The following TMC7 variants were observed in gnomAD, a reference collection of about 807,000 sequenced individuals.
TMC7 encodes transmembrane channel like 7, also known as transmembrane channel-like protein 7.
TMC7 carries 54 observed loss-of-function variants against 82.9 expected under a neutral mutation model. The ratio of observed to expected loss-of-function variants is 0.65; its 90% confidence interval spans 0.52 to 0.82. TMC7 has a LOEUF of 0.82. TMC7 is among the 40% of genes least tolerant of loss of function. The pLI, the probability that TMC7 is intolerant of heterozygous loss-of-function variation, is 0.00. For missense variants in TMC7, 820 were observed against 901.2 expected (o/e 0.91, Z 1.15); for synonymous variants, 350 against 337.9 (o/e 1.04, Z -0.39).
chr16:19,015,099 G>A (rs1959614503), intron 2 of TMC7, among the ~76,000 whole-genome samples: 1 of 151,754 alleles, frequency 6.6e-6, no homozygotes, highest in Non-Finnish European at 1.5e-5. Context: ...TAGTAGCTGG[G>A]ATTACAGGTG....
At chr16:18,992,005 A>T (rs1219020993) in intron 1 of TMC7, among the ~76,000 whole-genome samples, 1 of 152,176 alleles carries the variant, frequency 6.6e-6, no homozygotes, top group African/African-American at 2.4e-5. Flanking sequence ...ATTGATAGAC[A>T]TTTGGGTTGG....
At chr16:19,061,178 T>C (rs1961993406) in intron 15 of TMC7, among the ~76,000 whole-genome samples, 1 of 152,166 alleles carries the variant, frequency 6.6e-6, no homozygotes, top group East Asian at 1.9e-4. Flanking sequence ...TAATTTTTTG[T>C]ATTTTTAGTA....
chr16:19,041,470 A>G (rs941282657), intron 9 of TMC7, among the ~76,000 whole-genome samples: 1 of 151,448 alleles, frequency 6.6e-6, no homozygotes, highest in Non-Finnish European at 1.5e-5. Flanking sequence ...GGTTCAAGCG[A>G]TTCTCCTGCC....
At chr16:19,043,328 T>C (rs1961108059) in intron 9 of TMC7, among the ~76,000 whole-genome samples, 1 of 152,194 alleles carries the variant, frequency 6.6e-6, no homozygotes, top group South Asian at 2.1e-4. Flanking sequence ...GACTGTGTCA[T>C]GTCTTGTAGT....
intron 1 of TMC7, among the ~76,000 whole-genome samples, chr16:18,995,362 G>A (rs1312298953): frequency 6.6e-6 from 1 of 152,184 alleles, no homozygotes; most frequent in Non-Finnish European, 1.5e-5. Flanking sequence ...GGTCCGGGAG[G>A]CTTCTGAGGT....
At chr16:19,011,020 G>C (rs7190740) in intron 2 of TMC7, among the ~76,000 whole-genome samples, 45,873 of 151,940 alleles carry the variant, frequency 0.3, 7,161 homozygotes, top group Non-Finnish European at 0.33. Flanking sequence ...TATTCCTCCC[G>C]CTAATGAGAA....
At chr16:19,052,018 A>C (rs1002707388) in intron 13 of TMC7, among the ~76,000 whole-genome samples, 8 of 151,442 alleles carry the variant, frequency 5.3e-5, no homozygotes, top group African/African-American at 1.9e-4. Context: ...AGTAGCTGGG[A>C]CTACAAACTC....
At chr16:19,008,605 C>T (rs192634433) in intron 1 of TMC7, among the ~76,000 whole-genome samples, 1 of 152,320 alleles carries the variant, frequency 6.6e-6, no homozygotes, top group East Asian at 1.9e-4. Flanking sequence ...CCCAGCATCA[C>T]TTCTGCTGTG....
chr16:18,986,905 T>C (rs1250135982), intron 1 of TMC7, among the ~76,000 whole-genome samples: 1 of 150,970 alleles, frequency 6.6e-6, no homozygotes, highest in Non-Finnish European at 1.5e-5. Flanking sequence ...CCCGGGTTCA[T>C]GCCATTCTCC....
At chr16:19,058,402 A>T (rs201146711) in intron 14 of TMC7, among the ~76,000 whole-genome samples, 1 of 136,278 alleles carries the variant, frequency 7.3e-6, no homozygotes, top group Non-Finnish European at 1.6e-5. Context: ...AATAAATAAA[A>T]TAAATAAAAT....
intron 15 of TMC7, among the ~76,000 whole-genome samples, chr16:19,061,319 T>C (rs1489690054): frequency 6.6e-6 from 1 of 151,856 alleles, no homozygotes; most frequent in African/African-American, 2.4e-5. Context: ...GGCCTAATTT[T>C]TGTATTTTTA....
chr16:19,022,353 T>C (rs1179970071), intron 4 of TMC7, among the ~76,000 whole-genome samples: 1 of 152,230 alleles, frequency 6.6e-6, no homozygotes, highest in Non-Finnish European at 1.5e-5. Context: ...AAATGTAATA[T>C]ACATATACAG....
chr16:19,032,662 C>G (rs1960570496), intron 6 of TMC7, among the ~76,000 whole-genome samples: 1 of 151,914 alleles, frequency 6.6e-6, no homozygotes, highest in South Asian at 2.1e-4. Context: ...GAGTCTTGCT[C>G]TGTCACCTAG....
Position 18,983,956 on chromosome 16 carries a change from C to T in TMC7, c.-108C>T. 1 of 1,212,052 alleles carries T rather than the reference C, an allele frequency of 8.3e-7. No individual in the cohort carries two copies. The highest frequency in any genetic ancestry group is 2.1e-5 in the South Asian group (1 of 48,364). The allele number at this position is 1,212,052 out of a possible 1,614,324, so 75.1% of individuals were successfully genotyped here. On this transcript the variant is annotated 5_prime_UTR_variant, in exon 1 of 16. Coordinates refer to ENST00000304381, the MANE Select transcript of TMC7 (RefSeq NM_024847.4). Reference sequence around the variant, plus strand: ...CCCACTCCGGCTTCTGTGATGTCAGCGCCGGAACCTGGAATCCCGGCTCCG... The same window carrying T: ...CCCACTCCGGCTTCTGTGATGTCAGTGCCGGAACCTGGAATCCCGGCTCCG...
At chr16:19,006,264 G>A (rs1335105304) in intron 1 of TMC7, among the ~76,000 whole-genome samples, 2 of 150,424 alleles carry the variant, frequency 1.3e-5, no homozygotes, top group South Asian at 2.1e-4. Context: ...GCAATGGCAC[G>A]ATCTCGGCTC....
intron 7 of TMC7, among the ~76,000 whole-genome samples, chr16:19,036,724 A>T (rs1960767143): frequency 6.6e-6 from 1 of 152,162 alleles, no homozygotes; most frequent in African/African-American, 2.4e-5. Flanking sequence ...CAAAAAAAAA[A>T]AGTACATGAG....
intron 8 of TMC7, among the ~76,000 whole-genome samples, chr16:19,039,887 G>A (rs925703709): frequency 7.9e-5 from 12 of 151,938 alleles, no homozygotes; most frequent in African/African-American, 1.9e-4. Flanking sequence ...AAGCCAAAGC[G>A]GGTGGATCAC....
chr16:19,043,601 G>A (rs984037323), intron 9 of TMC7, among the ~76,000 whole-genome samples: 4 of 151,886 alleles, frequency 2.6e-5, no homozygotes, highest in South Asian at 2.1e-4. Flanking sequence ...ATGGAGTTTC[G>A]CTCTTGTTGT....
At chr16:19,005,758 A>C (rs1296418953) in intron 1 of TMC7, among the ~76,000 whole-genome samples, 1 of 152,166 alleles carries the variant, frequency 6.6e-6, no homozygotes, top group African/African-American at 2.4e-5. Context: ...TGCAGGGCTT[A>C]GACCCTTTTC....
Sources: gnomAD v4.1 joint callset for allele counts (sites outside exome capture counted in the v4.1 genomes callset) on GRCh38, gnomAD v4.1.1 for gene constraint, MANE v1.5 for transcripts, NCBI Gene and HGNC (gene_info 2026-07-23, HGNC 2026-07-21) for gene names.